The following ZNF84 variants were observed in gnomAD, a reference collection of about 807,000 sequenced individuals.
ZNF84 encodes zinc finger protein 84, also known as zinc finger protein HPF2.
In ZNF84, 12 loss-of-function variants were observed where a neutral mutation model predicts 14.8. That is an observed-to-expected ratio of 0.81 (90% CI 0.52 to 1.31). The LOEUF (loss-of-function observed/expected upper bound fraction) is 1.31. ZNF84 is among the 50% of genes most tolerant of loss of function. ZNF84 has a pLI of 0.00. For missense variants in ZNF84, 859 were observed against 878.6 expected, an observed-to-expected ratio of 0.98 and a Z score of 0.28; for synonymous variants, 347 against 291.1, an observed-to-expected ratio of 1.19 and a Z score of -1.96.
chr12:133,059,091 G>C lies in ZNF84; in HGVS notation c.*159G>C, dbSNP rs989165039. On this transcript the variant is annotated 3_prime_UTR_variant, in exon 5 of 5. Coordinates refer to ENST00000539354, the MANE Select transcript of ZNF84 (RefSeq NM_001289971.2). ...TATGGAAAGCCGATCATAATTCATA[G>C]AGTAGAGTGAACCTATGACTGCAGT... 134 of 728,282 alleles carry C rather than the reference G, an allele frequency of 1.8e-4. No homozygotes were observed. In the African/African-American group the frequency reaches 2.2e-3, roughly 12 times the overall value. 45.1% of individuals were successfully genotyped at this position (728,282 alleles called of 1,614,324 possible). A position where few individuals can be genotyped will look rare whatever the true frequency, so the allele number is the denominator to read the frequency against.
intron 1 of ZNF84, chr12:133,041,048 T>G (rs1234524053): frequency 5.5e-6 from 1 of 181,310 alleles, no homozygotes; most frequent in Non-Finnish European, 1.1e-5. Context: ...CAGTGAATAT[T>G]GAGTGAATCT....
intron 4 of ZNF84, among the ~76,000 whole-genome samples, chr12:133,055,811 A>G (rs1954144842): frequency 1.3e-5 from 2 of 152,190 alleles, no homozygotes; most frequent in Admixed American, 6.5e-5. Context: ...ATGAAAAACC[A>G]AAATTGGCCC....
In ZNF84 at chr12:133,057,874, A is replaced by G; in HGVS notation, c.1159A>G (p.Lys387Glu). Residue 387 changes from lysine (K) to glutamate (E), a missense_variant, in exon 5 of 5, where the codon AAG (lysine) becomes GAG (glutamate). Transcript: ENST00000539354. Reference protein sequence around the residue: ...CSDCRKAFFEKSELIRHQTIH... With the variant: ...CSDCRKAFFEESELIRHQTIH... ...TGATTGTAGAAAAGCATTCTTTGAG[A>G]AGTCAGAGCTTATTAGACATCAGAC... is the stretch of plus-strand genomic sequence containing the variant. The G allele has an allele frequency of 9.3e-6, 15 of 1,613,690 alleles. No individual in the cohort carries two copies. The highest frequency in any genetic ancestry group is 1.3e-5 in the Non-Finnish European group (15 of 1,179,630).
At chr12:133,043,178 T>G (rs911798843) in intron 2 of ZNF84, among the ~76,000 whole-genome samples, 76 of 152,286 alleles carry the variant, frequency 5.0e-4, no homozygotes, top group Admixed American at 3.1e-3. Context: ...GTGGCTTCTT[T>G]ATTTTTTATT....
chr12:133,053,424 A>G (rs1954103512), intron 4 of ZNF84, among the ~76,000 whole-genome samples: 2 of 152,198 alleles, frequency 1.3e-5, no homozygotes, highest in Admixed American at 1.3e-4. Context: ...GAAACGTCAT[A>G]GACATCTCAA....
chr12:133,053,706 A>G (rs1172754677), intron 4 of ZNF84, among the ~76,000 whole-genome samples: 4 of 151,944 alleles, frequency 2.6e-5, no homozygotes, highest in African/African-American at 9.7e-5. Context: ...TTGCACCACT[A>G]AACTCCAGCC....
At position 133,043,817 on chromosome 12, in the gene ZNF84, A is replaced by C. The variant is rs1049880942; in HGVS notation, c.15+2335A>C. 4.0e-4 allele frequency among the ~76,000 whole-genome samples: 61 copies of C among 152,130 alleles called. No individual in the cohort carries two copies. The South Asian group carries it at 0.012, about 31-fold the overall frequency. ...TGCCCAGGCTGGAGTGCAGTGGCACAGTGTTGGCTCACTGCAACCTCTGCC... is the reference window on the plus strand; with the variant it reads ...TGCCCAGGCTGGAGTGCAGTGGCACCGTGTTGGCTCACTGCAACCTCTGCC... On this transcript the variant is annotated intron_variant, in intron 2 of 4. Coordinates refer to ENST00000539354, the MANE Select transcript of ZNF84 (RefSeq NM_001289971.2).
chr12:133,041,206 A>G (rs1295728983), intron 1 of ZNF84, 72 bp from the exon 2 acceptor site: 1 of 473,944 alleles, frequency 2.1e-6, no homozygotes, highest in East Asian at 3.2e-5. Flanking sequence ...GTGAATTCCA[A>G]GTTCCTAGCA....
At chr12:133,037,979 A>G (rs1953817232) in intron 1 of ZNF84, 2 of 152,274 alleles carry the variant, frequency 1.3e-5, no homozygotes, top group Admixed American at 1.3e-4. Flanking sequence ...GGTGTGAGCC[A>G]CCATTCCTGG....
intron 1 of ZNF84, chr12:133,039,114 C>T (rs1953841018): frequency 1.3e-5 from 2 of 152,162 alleles, no homozygotes; most frequent in South Asian, 2.1e-4. Context: ...GTATATGTTT[C>T]GTATGACTGT....
rs2137436017 is a variant in ZNF84, at chr12:133,060,643, TG to T, written c.*1712del. ...GGATACCATTGTAATGTTGAGAAAC[TG>T]TAAGTCACATCCTCTTAAGTCAGGA... On this transcript the variant is annotated 3_prime_UTR_variant, in exon 5 of 5. Transcript: ENST00000539354. 1 of 152,314 alleles carries T rather than the reference TG, an allele frequency of 6.6e-6. No individual in the cohort carries two copies. Among genetic ancestry groups the T allele is most frequent in the South Asian group, 2.1e-4 (1 of 4,832 alleles). The allele number at this position is 152,314 out of a possible 1,614,324, so 9.4% of individuals were successfully genotyped here.
chr12:133,049,561 A>G (rs1395952590), intron 4 of ZNF84, among the ~76,000 whole-genome samples: 1 of 150,584 alleles, frequency 6.6e-6, no homozygotes, highest in Non-Finnish European at 1.5e-5. Context: ...TTGGCTCACT[A>G]CTCCACCTCC....
At chr12:133,047,873 T>A (rs1954008881) in intron 2 of ZNF84, 82 bp from the exon 3 acceptor site, 1 of 1,499,406 alleles carries the variant, frequency 6.7e-7, no homozygotes, top group African/African-American at 1.4e-5. Flanking sequence ...GTTATGAGAA[T>A]GAAGTGCTAA....
chr12:133,043,123 G>A (rs1028445779), intron 2 of ZNF84, among the ~76,000 whole-genome samples: 6 of 152,072 alleles, frequency 3.9e-5, no homozygotes, highest in Non-Finnish European at 8.8e-5. Flanking sequence ...TTCACATTTT[G>A]TGGCATTCAC....
chr12:133,056,231 T>A (rs1177370360), intron 4 of ZNF84, among the ~76,000 whole-genome samples: 1 of 152,144 alleles, frequency 6.6e-6, no homozygotes, highest in Non-Finnish European at 1.5e-5. Flanking sequence ...AATTTTATAA[T>A]GACAGGAACT....
At position 133,058,823 on chromosome 12, in the gene ZNF84, G is replaced by T. The variant is rs1954208149; in HGVS notation, c.2108G>T (p.Arg703Ile). 8 of 1,614,078 alleles carry T rather than the reference G, an allele frequency of 5.0e-6. No homozygotes were observed. The highest frequency in any genetic ancestry group is 2.2e-5 in the East Asian group (1 of 44,854). Residue 703 changes from arginine (R) to isoleucine (I), a missense_variant, in exon 5 of 5, where the codon AGA (arginine) becomes ATA (isoleucine). Physicochemically the swap from Arg to Ile is moderately conservative, Grantham distance 97. Coordinates refer to ENST00000539354, the MANE Select transcript of ZNF84 (RefSeq NM_001289971.2). ...AAGTCACAGCTGGTTAATCATCAGA[G>T]AATTCATACAGGAGAGAAGCCTTAT... is the stretch of plus-strand genomic sequence containing the variant. Reference protein sequence around the residue: ...SQKSQLVNHQRIHTGEKPYRC... With the variant: ...SQKSQLVNHQIIHTGEKPYRC...
chr12:133,050,450 C>T (rs896200991), intron 4 of ZNF84: 1 of 398,538 alleles, frequency 2.5e-6, no homozygotes, highest in Non-Finnish European at 4.4e-6. Context: ...GTGAGTGCCT[C>T]GGGTAGGAAT....
chr12:133,058,368 C>T lies in ZNF84; in HGVS notation c.1653C>T (p.Ala551=). The T allele has an allele frequency of 1.9e-6, 3 of 1,613,730 alleles. No individual in the cohort carries two copies. The highest frequency in any genetic ancestry group is 2.5e-6 in the Non-Finnish European group (3 of 1,179,928). The change falls in exon 5 of 5, where the codon GCC becomes GCT. Residue 551 remains alanine, a synonymous_variant. Coordinates refer to ENST00000539354, the MANE Select transcript of ZNF84 (RefSeq NM_001289971.2). ...ATGAATGCAGTGAATGTGGGAAGGC[C>T]TTTGGTGAGAAGTCAAGTCTTGCAA... is the stretch of plus-strand genomic sequence containing the variant. ...KPYECSECGK[A]FGEKSSLATH...
At chr12:133,045,604 A>C (rs929847888) in intron 2 of ZNF84, among the ~76,000 whole-genome samples, 28 of 152,328 alleles carry the variant, frequency 1.8e-4, no homozygotes, top group African/African-American at 6.7e-4. Context: ...GTGCCACTGC[A>C]CTGCAGCCTG....
Sources: allele counts gnomAD v4.1 joint callset (sites outside exome capture counted in the v4.1 genomes callset), GRCh38; gene constraint gnomAD v4.1.1; transcripts MANE v1.5; gene names NCBI Gene and HGNC (gene_info 2026-07-23, HGNC 2026-07-21).